Variants in NELL2 observed in about 807,000 individuals in gnomAD.
The protein encoded by NELL2 is neural EGFL like 2, also known as protein kinase C-binding protein NELL2.
Under a neutral mutation model 109.6 loss-of-function variants are expected in NELL2, and 41 were observed. That is an observed-to-expected ratio of 0.37 (90% confidence interval 0.29 to 0.49). The LOEUF (loss-of-function observed/expected upper bound fraction) is 0.49, where lower values mean the gene tolerates loss of function less well. NELL2 is among the 20% of genes least tolerant of loss of function. The pLI is 0.98. For missense variants in NELL2, 900 were observed against 1,008.3 expected (o/e 0.89, Z 1.45); for synonymous variants, 355 against 344.7 (o/e 1.03, Z -0.33).
chr12:44,641,874 G>C (rs1186799860), intron 13 of NELL2, among the ~76,000 whole-genome samples: 1 of 151,688 alleles, frequency 6.6e-6, no homozygotes, highest in Non-Finnish European at 1.5e-5. Context: ...CGTTTTGCAT[G>C]TTAGTAGAGA....
chr12:44,794,300 A>G (rs1566411977), intron 3 of NELL2, among the ~76,000 whole-genome samples: 1 of 152,196 alleles, frequency 6.6e-6, no homozygotes, highest in Non-Finnish European at 1.5e-5. Flanking sequence ...CATACAAAAT[A>G]CTCAGGAAAA....
chr12:44,804,536 A>G (rs116231732), intron 3 of NELL2, among the ~76,000 whole-genome samples: 2,201 of 152,012 alleles, frequency 0.014, 51 homozygotes, highest in African/African-American at 0.05. Flanking sequence ...AGGAAATAGC[A>G]AAATAAGTTA....
chr12:44,531,053 C>T (rs529367525), intron 16 of NELL2, among the ~76,000 whole-genome samples: 1 of 152,172 alleles, frequency 6.6e-6, no homozygotes, highest in South Asian at 2.1e-4. Flanking sequence ...CTTAATGTAA[C>T]ACAGTCAACA....
chr12:44,897,958 T>G (rs980482088), intron 1 of NELL2, among the ~76,000 whole-genome samples: 1 of 152,108 alleles, frequency 6.6e-6, no homozygotes, highest in African/African-American at 2.4e-5. Flanking sequence ...TACTGAGGCT[T>G]CAGTAGGTGC....
chr12:44,730,100 TTATAAA>T (rs1481273003), intron 9 of NELL2, among the ~76,000 whole-genome samples: 1 of 152,090 alleles, frequency 6.6e-6, no homozygotes, highest in Non-Finnish European at 1.5e-5. Flanking sequence ...TATATGACAA[TTATAAA>T]TATACCCAAC....
chr12:44,899,318 T>C (rs1294811738), intron 1 of NELL2, among the ~76,000 whole-genome samples: 1 of 152,096 alleles, frequency 6.6e-6, no homozygotes, highest in Non-Finnish European at 1.5e-5. Flanking sequence ...ATTGTCAGAT[T>C]CACCAAGGTT....
chr12:44,879,602 C>G (rs900915927), upstream of NELL2, among the ~76,000 whole-genome samples: 5 of 151,862 alleles, frequency 3.3e-5, no homozygotes, highest in African/African-American at 9.7e-5. Flanking sequence ...GGGTGGAACA[C>G]AGGGATTCAG....
intron 1 of NELL2, 142 bp from the exon 2 acceptor site, chr12:44,875,495 C>G: frequency 6.2e-7 from 1 of 1,613,970 alleles, no homozygotes. Flanking sequence ...CCTCCTCCGC[C>G]GAGAGCCTTA....
chr12:44,528,053 GCC>G (rs1233339066), intron 16 of NELL2, among the ~76,000 whole-genome samples: 7 of 120,876 alleles, frequency 5.8e-5, no homozygotes, highest in African/African-American at 2.3e-4. Flanking sequence ...AGCCGAGATC[GCC>G]TCACTGCACT....
chr12:44,876,976 G>A (rs1046777664), upstream of NELL2: 15 of 1,004,376 alleles, frequency 1.5e-5, no homozygotes, highest in Non-Finnish European at 1.5e-5. Flanking sequence ...AGAGCGCAGA[G>A]AACTTGGCCA....
chr12:44,668,058 C>T (rs982865553), intron 12 of NELL2, among the ~76,000 whole-genome samples: 1 of 152,112 alleles, frequency 6.6e-6, no homozygotes, highest in Non-Finnish European at 1.5e-5. Context: ...TGTCCTGAGG[C>T]CCAAAAGCCC....
Position 44,850,779 on chromosome 12 carries a change from C to T in NELL2, c.184+24446G>A, listed in dbSNP as rs550594865. Reference sequence around the variant, plus strand: ...GAATAAATAGGCAATACCATTAAAGCCCTTGCAATACCATTAAATGGAATC... The same window carrying T: ...GAATAAATAGGCAATACCATTAAAGTCCTTGCAATACCATTAAATGGAATC... On this transcript the variant is annotated intron_variant, in intron 2 of 19. Transcript: ENST00000429094. Among the ~76,000 whole-genome samples, 19 of 152,226 alleles carry T rather than the reference C, an allele frequency of 1.2e-4. 1 individual carries two copies. The South Asian group carries it at 3.7e-3, about 30-fold the overall frequency.
intron 2 of NELL2, among the ~76,000 whole-genome samples, chr12:44,836,902 C>T (rs573456263): frequency 6.6e-6 from 1 of 152,030 alleles, no homozygotes; most frequent in Non-Finnish European, 1.5e-5. Flanking sequence ...TGAGAGGAGG[C>T]GGGCATAGAG....
intron 9 of NELL2, among the ~76,000 whole-genome samples, chr12:44,768,379 G>GATGA (rs764781919): frequency 2.0e-5 from 3 of 151,932 alleles, no homozygotes; most frequent in Non-Finnish European, 4.4e-5. Flanking sequence ...GGATTATCTT[G>GATGA]ATGAAATCTC....
intron 1 of NELL2, among the ~76,000 whole-genome samples, chr12:44,912,281 A>C (rs1945788195): frequency 6.6e-6 from 1 of 152,106 alleles, no homozygotes; most frequent in African/African-American, 2.4e-5. Flanking sequence ...CTCATCCTAT[A>C]AAGTAGTTAC....
intron 3 of NELL2, among the ~76,000 whole-genome samples, chr12:44,809,197 T>C (rs1943095381): frequency 6.6e-6 from 1 of 152,096 alleles, no homozygotes; most frequent in African/African-American, 2.4e-5. Context: ...AACTGCAGTT[T>C]TGTAAAACAT....
intron 2 of NELL2, among the ~76,000 whole-genome samples, chr12:44,848,288 A>C (rs1944434014): frequency 1.3e-5 from 2 of 151,982 alleles, no homozygotes; most frequent in South Asian, 2.1e-4. Context: ...CAGAGGACCA[A>C]CCTCCCAGGC....
At position 44,776,150 on chromosome 12, in the gene NELL2, G is replaced by GC; in HGVS notation, c.763-1dup (p.Leu255AlafsTer5). 1 of 1,612,906 alleles carries GC rather than the reference G, an allele frequency of 6.2e-7. No homozygotes were observed. Among genetic ancestry groups the GC allele is most frequent in the Non-Finnish European group, 8.5e-7 (1 of 1,179,526 alleles). Reference sequence around the variant, plus strand: ...TTCATTCGCTGTTCAGCTCGAGACAGCTGTGGCACAAAAGAACGGGTTTTA... The same window carrying GC: ...TTCATTCGCTGTTCAGCTCGAGACAGCCTGTGGCACAAAAGAACGGGTTTTA... On this transcript the variant is annotated frameshift_variant and splice_region_variant. Transcript: ENST00000429094. LOFTEE classifies it high-confidence loss of function.
At chr12:44,642,756 C>A (rs1946908722) in intron 13 of NELL2, among the ~76,000 whole-genome samples, 1 of 152,100 alleles carries the variant, frequency 6.6e-6, no homozygotes, top group African/African-American at 2.4e-5. Flanking sequence ...GTGGTGTGCA[C>A]CTGTAATCCC....
Sources: allele counts gnomAD v4.1 joint callset (sites outside exome capture counted in the v4.1 genomes callset), GRCh38; gene constraint gnomAD v4.1.1; transcripts MANE v1.5; gene names NCBI Gene and HGNC (gene_info 2026-07-23, HGNC 2026-07-21).